Variants in HS1BP3 observed in about 807,000 individuals in gnomAD.
HS1BP3 encodes the protein HCLS1-binding protein 3.
A neutral mutation model predicts 33.5 loss-of-function variants in HS1BP3; 32 were observed. The observed-to-expected ratio is 0.95, with a 90% CI of 0.72 to 1.28. The LOEUF (loss-of-function observed/expected upper bound fraction) is 1.28. Ranked by LOEUF, HS1BP3 falls within the 50% of genes most tolerant of loss-of-function variation. HS1BP3 has a pLI of 0.00. For synonymous variants in HS1BP3, 187 were observed against 209.2 expected (o/e 0.89, Z 0.92); for missense variants, 486 against 502.3 (o/e 0.97, Z 0.31).
intron 5 of HS1BP3, among the ~76,000 whole-genome samples, chr2:20,583,524 TTCTCAGCACCTC>T (rs1693585380): frequency 6.6e-6 from 1 of 152,168 alleles, no homozygotes; most frequent in Non-Finnish European, 1.5e-5. Flanking sequence ...GCCCCACCAA[TTCTCAGCACCTC>T]TCCCTGAAGC....
intron 2 of HS1BP3, among the ~76,000 whole-genome samples, chr2:20,604,546 C>A (rs1378187705): frequency 6.6e-6 from 1 of 152,224 alleles, no homozygotes; most frequent in African/African-American, 2.4e-5. Flanking sequence ...CTCCAGTGAG[C>A]CAGGCTCTGC....
intron 2 of HS1BP3, among the ~76,000 whole-genome samples, chr2:20,601,688 G>A (rs10204992): frequency 0.7 from 106,145 of 151,106 alleles, 37,937 homozygotes; most frequent in Admixed American, 0.77. Flanking sequence ...CACCATGATT[G>A]TGAGGCCTCC....
intron 1 of HS1BP3, among the ~76,000 whole-genome samples, chr2:20,647,981 C>T (rs983509216): frequency 1.3e-5 from 2 of 152,186 alleles, no homozygotes; most frequent in African/African-American, 4.8e-5. Context: ...TCACATCTGC[C>T]CATCAGCCTG....
chr2:20,565,463 G>A (rs967960268), intron 5 of HS1BP3, among the ~76,000 whole-genome samples: 5 of 152,154 alleles, frequency 3.3e-5, no homozygotes, highest in African/African-American at 1.2e-4. Context: ...TAATGATCTC[G>A]ACAGAGTGGG....
At chr2:20,558,235 C>A (rs149381543), downstream of HS1BP3, among the ~76,000 whole-genome samples, 1 of 152,228 alleles carries the variant, frequency 6.6e-6, no homozygotes, top group Non-Finnish European at 1.5e-5. Flanking sequence ...CATTGAAGGG[C>A]TCTGGGCAGC....
downstream of HS1BP3, among the ~76,000 whole-genome samples, chr2:20,614,644 T>C (rs1238845248): frequency 6.6e-6 from 1 of 152,236 alleles, no homozygotes; most frequent in Non-Finnish European, 1.5e-5. Flanking sequence ...GGATGAGCTC[T>C]GCATGTGGGA....
intron 3 of HS1BP3, among the ~76,000 whole-genome samples, chr2:20,594,652 A>G (rs1387921581): frequency 6.6e-6 from 1 of 152,220 alleles, no homozygotes; most frequent in African/African-American, 2.4e-5. Flanking sequence ...ACTCGCTGGA[A>G]GTGAGGTCCC....
chr2:20,648,094 A>C (rs115051789), intron 1 of HS1BP3, among the ~76,000 whole-genome samples: 1,630 of 152,166 alleles, frequency 0.011, 17 homozygotes, highest in Non-Finnish European at 0.018. Flanking sequence ...AGGCCCTCCC[A>C]CCTACTGAAG....
chr2:20,612,123 G>T (rs909025973), intron 2 of HS1BP3, among the ~76,000 whole-genome samples: 5 of 152,110 alleles, frequency 3.3e-5, no homozygotes, highest in Non-Finnish European at 7.3e-5. Flanking sequence ...CCCTAATGAG[G>T]CAGGTAAAAT....
rs148722602 is a variant in HS1BP3 at position 20,645,423 on chromosome 2, C to T, written c.115G>A (p.Val39Met). 864 of 1,614,138 alleles carry T rather than the reference C, an allele frequency of 5.4e-4. 2 individuals are homozygous for T. The highest frequency in any genetic ancestry group is 6.9e-4 in the Non-Finnish European group (810 of 1,180,014). ...GTCACCACCAGGATCTGGTACTCCA[C>T]GTGTCCAGACATCATCTTGCCCCGT... is the stretch of plus-strand genomic sequence containing the variant. Reference protein sequence around the residue: ...EVRGKMMSGHVEYQILVVTRL... With the variant: ...EVRGKMMSGHMEYQILVVTRL... Residue 39 changes from valine to methionine, a missense_variant, in exon 2 of 7, where the codon GTG (valine) becomes ATG (methionine). By Grantham distance (21) the Val-to-Met change is conservative (BLOSUM62 1). Coordinates refer to ENST00000304031, the MANE Select transcript of HS1BP3 (RefSeq NM_022460.4).
intron 5 of HS1BP3, among the ~76,000 whole-genome samples, chr2:20,566,563 C>G (rs929629788): frequency 6.6e-6 from 1 of 151,900 alleles, no homozygotes; most frequent in Non-Finnish European, 1.5e-5. Flanking sequence ...GCTGCAGTGA[C>G]AGGCAGCTGT....
chr2:20,649,462 T>C (rs886789462), intron 1 of HS1BP3, among the ~76,000 whole-genome samples: 1 of 152,226 alleles, frequency 6.6e-6, no homozygotes. Flanking sequence ...CCCCCACTGT[T>C]TTGTTTTCCT....
At chr2:20,630,969 G>C (rs2149295727) in intron 4 of HS1BP3, among the ~76,000 whole-genome samples, 1 of 152,318 alleles carries the variant, frequency 6.6e-6, no homozygotes, top group East Asian at 1.9e-4. Context: ...AGGAGCAGCA[G>C]AGGGGGATGT....
chr2:20,589,654 A>T (rs374746589), downstream of HS1BP3, among the ~76,000 whole-genome samples: 13 of 152,150 alleles, frequency 8.5e-5, no homozygotes, highest in Admixed American at 7.2e-4. Flanking sequence ...CTAGGGTGAT[A>T]AGCACCCCCA....
At chr2:20,568,385 G>T (rs1292625463) in intron 5 of HS1BP3, among the ~76,000 whole-genome samples, 1 of 152,190 alleles carries the variant, frequency 6.6e-6, no homozygotes, top group Non-Finnish European at 1.5e-5. Flanking sequence ...AGCACGTGGT[G>T]GGGGTTCCTA....
At position 20,645,423 on chromosome 2, in the gene HS1BP3, C is replaced by G. The variant is rs148722602; in HGVS notation, c.115G>C (p.Val39Leu). The G allele has an allele frequency of 1.9e-6, 3 of 1,614,022 alleles. No homozygotes were observed. Among genetic ancestry groups the G allele is most frequent in the Non-Finnish European group, 2.5e-6 (3 of 1,180,022 alleles). The change falls in exon 2 of 7, where the codon GTG (valine) becomes CTG (leucine). Residue 39 changes from valine to leucine, a missense_variant. Val to Leu is a conservative substitution (Grantham distance 32, BLOSUM62 1). Coordinates refer to ENST00000304031, the MANE Select transcript of HS1BP3 (RefSeq NM_022460.4). ...GTCACCACCAGGATCTGGTACTCCA[C>G]GTGTCCAGACATCATCTTGCCCCGT... is the stretch of plus-strand genomic sequence containing the variant. ...EVRGKMMSGH[V>L]EYQILVVTRL... is the part of the protein sequence containing the mutation.
chr2:20,591,241 A>C (rs554221572), downstream of HS1BP3: 5 of 167,118 alleles, frequency 3.0e-5, no homozygotes, highest in Non-Finnish European at 7.3e-5. Context: ...CCCTTCCTCC[A>C]CGGGAGCTGC....
chr2:20,602,510 TA>T (rs1481446451), intron 2 of HS1BP3, among the ~76,000 whole-genome samples: 1 of 152,130 alleles, frequency 6.6e-6, no homozygotes, highest in East Asian at 1.9e-4. Flanking sequence ...AAGTGGAGTA[TA>T]AAAAAGAAGT....
At chr2:20,631,279 C>T (rs111851028) in intron 4 of HS1BP3, among the ~76,000 whole-genome samples, 7,228 of 151,354 alleles carry the variant, frequency 0.048, 585 homozygotes, top group African/African-American at 0.16. Flanking sequence ...TTTGGGAAGC[C>T]GAGGCAGGAG....
Sources: gnomAD v4.1 joint callset for allele counts (sites outside exome capture counted in the v4.1 genomes callset) on GRCh38, gnomAD v4.1.1 for gene constraint, MANE v1.5 for transcripts, NCBI Gene and HGNC (gene_info 2026-07-23, HGNC 2026-07-21) for gene names.